MED13L: variants seen among roughly 807,000 people sequenced by gnomAD.
The protein encoded by MED13L is mediator complex subunit 13L.
A neutral mutation model predicts 220.9 loss-of-function variants in MED13L; 7 were observed. The ratio of observed to expected loss-of-function variants is 0.03; its 90% CI spans 0.02 to 0.06. MED13L has a LOEUF of 0.06. Among genes scored for constraint, MED13L ranks in the 10% least tolerant of loss-of-function variants. The probability of loss-of-function intolerance (pLI) is 1.00; values close to 1 mark genes in which losing one functional copy is unlikely to be tolerated. For synonymous variants in MED13L, 1,011 were observed against 1,015.2 expected (o/e 1.00, Z 0.08); for missense variants, 1,965 against 2,760.5 (o/e 0.71, Z 6.46).
intron 2 of MED13L, among the ~76,000 whole-genome samples, chr12:116,126,116 A>G (rs1875564225): frequency 6.6e-6 from 1 of 152,216 alleles, no homozygotes; most frequent in South Asian, 2.1e-4. Flanking sequence ...TTTCCAACTC[A>G]TAAGCAAAAA....
intron 2 of MED13L, among the ~76,000 whole-genome samples, chr12:116,209,842 CTG>C (rs1882580235): frequency 6.6e-6 from 1 of 152,162 alleles, no homozygotes. Context: ...CTATTCTGCT[CTG>C]TCTTACCCTA....
chr12:116,053,675 A>AT (rs1868699611), intron 4 of MED13L, among the ~76,000 whole-genome samples: 1 of 152,180 alleles, frequency 6.6e-6, no homozygotes, highest in South Asian at 2.1e-4. Flanking sequence ...CTAAGGTCAT[A>AT]TAACTTGGAA....
chr12:116,039,960 T>A (rs1881425563), intron 4 of MED13L, among the ~76,000 whole-genome samples: 1 of 152,120 alleles, frequency 6.6e-6, no homozygotes, highest in Admixed American at 6.6e-5. Flanking sequence ...GGTGTGAGTG[T>A]GAGAGACTGC....
chr12:116,031,756 A>AAAAGAAAAG (rs1566020902), intron 4 of MED13L, among the ~76,000 whole-genome samples: 16 of 21,808 alleles, frequency 7.3e-4, no homozygotes, highest in South Asian at 1.8e-3. Context: ...AAAAGAAAAG[A>AAAAGAAAAG]AAAGAAGGAA....
At chr12:116,092,595 T>C (rs1439111894) in intron 4 of MED13L, among the ~76,000 whole-genome samples, 1 of 152,216 alleles carries the variant, frequency 6.6e-6, no homozygotes, top group African/African-American at 2.4e-5. Context: ...AATGTATTGT[T>C]ACACAAAATA....
At position 116,096,852 on chromosome 12, in the gene MED13L, A is replaced by C. The variant is rs890067684; in HGVS notation, c.396-100T>G. 28 of 836,990 alleles carry C rather than the reference A, an allele frequency of 3.3e-5. No homozygotes were observed. The Admixed American group carries it at 3.7e-4, about 11-fold the overall frequency. The allele number at this position is 836,990 out of a possible 1,614,324, so 51.8% of individuals were successfully genotyped here. On this transcript the variant is annotated intron_variant, in intron 3 of 30. Transcript: ENST00000281928. Reference sequence around the variant, plus strand: ...ATGAGATATATCACCAAAAATAAAAACACCACCAATTAAACTATCAAAATG... The same window carrying C: ...ATGAGATATATCACCAAAAATAAAACCACCACCAATTAAACTATCAAAATG...
At position 116,161,268 on chromosome 12, in the gene MED13L, C is replaced by T. The variant is rs144574098; in HGVS notation, c.311-49756G>A. ...TTTGGAGAACACATTCAAACCACAT[C>T]AGTGGACGTGCACTGACCTCCTTCT... On this transcript the variant is annotated intron_variant, in intron 2 of 30. Transcript: ENST00000281928. Among the ~76,000 whole-genome samples, 586 of 152,250 alleles carry T rather than the reference C, an allele frequency of 3.8e-3. 4 individuals carry two copies. The highest frequency in any genetic ancestry group is 6.3e-3 in the Admixed American group (96 of 15,292).
intron 2 of MED13L, among the ~76,000 whole-genome samples, chr12:116,204,476 C>A (rs1882193276): frequency 6.6e-6 from 1 of 152,210 alleles, no homozygotes. Context: ...GCAATTCTTA[C>A]AACAATCCTA....
chr12:116,061,956 C>G (rs566343027), intron 4 of MED13L, among the ~76,000 whole-genome samples: 204 of 146,862 alleles, frequency 1.4e-3, no homozygotes, highest in Non-Finnish European at 2.2e-3. Flanking sequence ...TGCAGTGAGC[C>G]GAGATCACAC....
chr12:116,011,321 T>G (rs1451654270), intron 9 of MED13L, among the ~76,000 whole-genome samples: 1 of 152,184 alleles, frequency 6.6e-6, no homozygotes, highest in African/African-American at 2.4e-5. Flanking sequence ...ATATATGCAT[T>G]TGGCAAAGAA....
chr12:116,121,959 G>C (rs1265549750), intron 2 of MED13L, among the ~76,000 whole-genome samples: 2 of 152,100 alleles, frequency 1.3e-5, no homozygotes, highest in Non-Finnish European at 2.9e-5. Flanking sequence ...GGAAGGCACA[G>C]GAAACAAGTA....
At position 115,984,192 on chromosome 12, in the gene MED13L, G is replaced by A. The variant is rs373715429; in HGVS notation, c.4519C>T (p.Arg1507Cys). 42 of 1,613,660 alleles carry A rather than the reference G, an allele frequency of 2.6e-5. No homozygotes were observed. Among genetic ancestry groups the A allele is most frequent in the Middle Eastern group, 3.3e-4 (2 of 6,016 alleles). The change falls in exon 20 of 31, where the codon CGC becomes TGC. Residue 1507 changes from arginine (R) to cysteine (C), a missense_variant. By Grantham distance (180) the Arg-to-Cys change is radical. This residue lies in a region of MED13L where 510 missense variants were observed against 620.4 expected (regional missense o/e 0.82). Coordinates refer to ENST00000281928, the MANE Select transcript of MED13L (RefSeq NM_015335.5). Reference protein sequence around the residue: ...SRLKLYAQVCRHHLAPYLATL... With the variant: ...SRLKLYAQVCCHHLAPYLATL... ...AATTCCCATTTACCTAGGTGATGGC[G>A]GCAAACTTGCGCATAAAGTTTGAGT...
intron 1 of MED13L, among the ~76,000 whole-genome samples, chr12:116,261,965 A>G (rs902929828): frequency 1.3e-5 from 2 of 152,178 alleles, no homozygotes; most frequent in Non-Finnish European, 2.9e-5. Flanking sequence ...CAGGGCCCAC[A>G]TGGGTTTTCT....
At chr12:116,089,265 G>A (rs1378604211) in intron 4 of MED13L, among the ~76,000 whole-genome samples, 1 of 152,086 alleles carries the variant, frequency 6.6e-6, no homozygotes, top group Non-Finnish European at 1.5e-5. Context: ...GCCCAGGCTG[G>A]ACTTGAACTC....
At chr12:116,039,167 T>C (rs1040051457) in intron 4 of MED13L, among the ~76,000 whole-genome samples, 1 of 152,218 alleles carries the variant, frequency 6.6e-6, no homozygotes, top group African/African-American at 2.4e-5. Context: ...TTAGCACAAA[T>C]ATAGCACAAA....
At chr12:116,055,819 C>G (rs1368789558) in intron 4 of MED13L, among the ~76,000 whole-genome samples, 2 of 151,868 alleles carry the variant, frequency 1.3e-5, no homozygotes, top group Admixed American at 6.6e-5. Context: ...CGCTTGAACC[C>G]AGGAGGCGGA....
intron 14 of MED13L, among the ~76,000 whole-genome samples, chr12:115,999,534 T>C (rs1044726874): frequency 6.6e-6 from 1 of 152,224 alleles, no homozygotes; most frequent in African/African-American, 2.4e-5. Context: ...TTCTGCTTCA[T>C]AAAATCTTCA....
At chr12:116,206,071 T>TA in intron 2 of MED13L, among the ~76,000 whole-genome samples, 1 of 146,524 alleles carries the variant, frequency 6.8e-6, no homozygotes, top group Non-Finnish European at 1.5e-5. Flanking sequence ...TAAGTATTAT[T>TA]ACCTTTTTTT....
chr12:116,114,904 TA>T (rs1874383553), intron 2 of MED13L, among the ~76,000 whole-genome samples: 1 of 152,108 alleles, frequency 6.6e-6, no homozygotes, highest in Non-Finnish European at 1.5e-5. Context: ...CAAAATATGC[TA>T]AAACTACAAT....
Sources: gnomAD v4.1 joint callset for allele counts (sites outside exome capture counted in the v4.1 genomes callset) on GRCh38, gnomAD v4.1.1 for gene constraint, gnomAD v4.1.1 regional missense constraint, MANE v1.5 for transcripts, NCBI Gene and HGNC (gene_info 2026-07-23, HGNC 2026-07-21) for gene names.